GRK4: variants seen among roughly 807,000 people sequenced by gnomAD.
GRK4 encodes the protein G protein-coupled receptor kinase 4, also known as G protein-coupled receptor kinase 2-like.
A neutral mutation model predicts 77.9 loss-of-function variants in GRK4; 73 were observed. The observed-to-expected ratio is 0.94, with a 90% CI of 0.78 to 1.14. GRK4 has a LOEUF of 1.14. Among genes scored for constraint, GRK4 ranks in the 50% most tolerant of loss-of-function variants. The pLI is 0.00. For missense variants in GRK4, 729 were observed against 700.2 expected (o/e 1.04, Z -0.46); for synonymous variants, 257 against 254.4 (o/e 1.01, Z -0.10).
At chr4:2,988,493 C>T (rs955036824) in intron 2 of GRK4, among the ~76,000 whole-genome samples, 2 of 152,092 alleles carry the variant, frequency 1.3e-5, no homozygotes, top group Admixed American at 1.3e-4. Context: ...ATCGCCTGAA[C>T]CCGGGAGGCA....
chr4:3,010,344 A>G (rs577486215), intron 7 of GRK4, among the ~76,000 whole-genome samples: 1 of 152,184 alleles, frequency 6.6e-6, no homozygotes, highest in South Asian at 2.1e-4. Flanking sequence ...CTCCTGCCTC[A>G]GCCTCCCGAG....
Position 3,038,485 on chromosome 4 carries a change from G to C in GRK4, c.1655G>C (p.Gly552Ala), listed in dbSNP as rs1430297921. ...ACCCCGGTTTCCAGACCAAACAGAG[G>C]CTTCTTCTATAGACTCTTCAGAAGA... ...IHTPVSRPNR[G>A]FFYRLFRRGG... is the part of the protein sequence containing the mutation. The change falls in exon 15 of 16, where the codon GGC becomes GCC. Residue 552 changes from glycine (G) to alanine (A), a missense_variant. By Grantham distance (60) the Gly-to-Ala change is moderately conservative. Coordinates refer to ENST00000398052, the MANE Select transcript of GRK4 (RefSeq NM_182982.3). The C allele has an allele frequency of 1.2e-6, 2 of 1,613,826 alleles. No individual in the cohort carries two copies. Among genetic ancestry groups the C allele is most frequent in the Non-Finnish European group, 1.7e-6 (2 of 1,179,978 alleles).
chr4:2,964,156 C>CT (rs773860718), intron 1 of GRK4, 34 bp downstream of exon 1: 5 of 1,545,620 alleles, frequency 3.2e-6, no homozygotes, highest in Non-Finnish European at 4.4e-6. Context: ...GACCCCCCCC[C>CT]CAGAGAACCC....
chr4:2,981,864 C>CTGAA (rs1287565747), intron 1 of GRK4, among the ~76,000 whole-genome samples: 33 of 152,372 alleles, frequency 2.2e-4, no homozygotes, highest in African/African-American at 7.7e-4. Context: ...CTGCACTGAG[C>CTGAA]TGAACTCAGC....
At chr4:2,997,806 G>A (rs1026387492) in intron 4 of GRK4, among the ~76,000 whole-genome samples, 1 of 151,604 alleles carries the variant, frequency 6.6e-6, no homozygotes, top group Admixed American at 6.6e-5. Flanking sequence ...TACTGAGGAG[G>A]CTGAGGCAAG....
chr4:3,032,003 G>C (rs1237960118), intron 12 of GRK4, among the ~76,000 whole-genome samples: 2 of 152,128 alleles, frequency 1.3e-5, no homozygotes, highest in African/African-American at 4.8e-5. Context: ...CTGGAGCCAG[G>C]GGTCAGCCTG....
intron 4 of GRK4, among the ~76,000 whole-genome samples, chr4:3,001,642 C>T (rs910240438): frequency 2.6e-5 from 4 of 152,170 alleles, no homozygotes; most frequent in African/African-American, 9.7e-5. Flanking sequence ...AGTGGGATTA[C>T]AGGCGTGAGC....
intron 10 of GRK4, among the ~76,000 whole-genome samples, chr4:3,026,398 T>G (rs907634792): frequency 2.6e-5 from 4 of 151,964 alleles, no homozygotes; most frequent in Non-Finnish European, 5.9e-5. Flanking sequence ...ACGAAAAAAA[T>G]AAGTCACAAC....
intron 1 of GRK4, among the ~76,000 whole-genome samples, chr4:2,964,415 G>C (rs1716820917): frequency 6.6e-6 from 1 of 151,950 alleles, no homozygotes; most frequent in African/African-American, 2.4e-5. Flanking sequence ...CTCTCGGTGT[G>C]ACCTCGGTGA....
At chr4:2,973,140 G>T (rs555703598) in intron 1 of GRK4, among the ~76,000 whole-genome samples, 6 of 152,360 alleles carry the variant, frequency 3.9e-5, no homozygotes, top group Admixed American at 2.0e-4. Context: ...CCAGGCATCA[G>T]TTCTTGGTCC....
At chr4:3,037,243 G>C (rs1427155648) in intron 13 of GRK4, 131 bp from the exon 14 acceptor site, 3 of 908,046 alleles carry the variant, frequency 3.3e-6, no homozygotes, top group Non-Finnish European at 4.9e-6. Flanking sequence ...AGAGGGGCCT[G>C]GCAAAAGAAT....
intron 1 of GRK4, among the ~76,000 whole-genome samples, chr4:2,982,475 G>A (rs1723131096): frequency 1.3e-5 from 2 of 152,216 alleles, no homozygotes; most frequent in Non-Finnish European, 2.9e-5. Context: ...AAGACCAAGA[G>A]GGACTTGTTC....
At chr4:2,970,751 G>A (rs1020871734) in intron 1 of GRK4, among the ~76,000 whole-genome samples, 1 of 151,538 alleles carries the variant, frequency 6.6e-6, no homozygotes, top group Non-Finnish European at 1.5e-5. Context: ...CTCACTGCAA[G>A]CTCTGCCTCC....
chr4:2,972,845 C>G (rs1719994983), intron 1 of GRK4, among the ~76,000 whole-genome samples: 1 of 152,190 alleles, frequency 6.6e-6, no homozygotes, highest in Non-Finnish European at 1.5e-5. Context: ...AGCAGCTCTC[C>G]TGCCTCAGCG....
At chr4:2,965,722 A>C in intron 1 of GRK4, 1 of 453,446 alleles carries the variant, frequency 2.2e-6, no homozygotes, top group Non-Finnish European at 4.1e-6. Context: ...ATTTTTGTGC[A>C]CCAACTCACA....
intron 11 of GRK4, among the ~76,000 whole-genome samples, chr4:3,028,761 A>G (rs1738314891): frequency 1.3e-5 from 2 of 148,582 alleles, no homozygotes; most frequent in South Asian, 4.4e-4. Flanking sequence ...CATCACCACC[A>G]TCTAATTTCA....
intron 4 of GRK4, among the ~76,000 whole-genome samples, chr4:2,997,269 A>G (rs566345298): frequency 2.0e-5 from 3 of 152,358 alleles, no homozygotes; most frequent in Admixed American, 6.5e-5. Flanking sequence ...AAATTGGTTC[A>G]GTATCTGAAA....
At chr4:3,024,599 C>T (rs551154779) in intron 10 of GRK4, among the ~76,000 whole-genome samples, 15 of 152,062 alleles carry the variant, frequency 9.9e-5, no homozygotes, top group Non-Finnish European at 1.8e-4. Context: ...GGGGCTTGTA[C>T]CTATAATCCT....
chr4:2,979,743 G>A (rs573461224), intron 1 of GRK4, among the ~76,000 whole-genome samples: 18 of 152,292 alleles, frequency 1.2e-4, no homozygotes, highest in African/African-American at 4.1e-4. Flanking sequence ...TCCATGTGTG[G>A]TGGTGCATGC....
Sources: gnomAD v4.1 joint callset for allele counts (sites outside exome capture counted in the v4.1 genomes callset) on GRCh38, gnomAD v4.1.1 for gene constraint, MANE v1.5 for transcripts, NCBI Gene and HGNC (gene_info 2026-07-23, HGNC 2026-07-21) for gene names.